Variants in GABRB1 observed in about 807,000 individuals in gnomAD.
GABRB1 encodes gamma-aminobutyric acid type A receptor subunit beta1.
A neutral mutation model predicts 51.6 loss-of-function variants in GABRB1; 17 were observed. That is an observed-to-expected ratio of 0.33 (90% CI 0.23 to 0.49). The LOEUF (loss-of-function observed/expected upper bound fraction) is 0.49. Among genes scored for constraint, GABRB1 ranks in the 20% least tolerant of loss-of-function variants. The probability of loss-of-function intolerance (pLI) is 0.99; values close to 1 mark genes in which losing one functional copy is unlikely to be tolerated. For missense variants in GABRB1, 410 were observed against 600.6 expected (o/e 0.68, Z 3.32); for synonymous variants, 247 against 218.9 (o/e 1.13, Z -1.14).
At chr4:47,044,282 T>C (rs992685664) in intron 3 of GABRB1, among the ~76,000 whole-genome samples, 1 of 152,052 alleles carries the variant, frequency 6.6e-6, no homozygotes, top group Non-Finnish European at 1.5e-5. Flanking sequence ...AAAATCAGTG[T>C]CCAGTGGGCA....
chr4:47,333,317 T>A (rs568090379), intron 5 of GABRB1, among the ~76,000 whole-genome samples: 1 of 150,698 alleles, frequency 6.6e-6, no homozygotes, highest in South Asian at 2.1e-4. Context: ...TATCTATACT[T>A]GGGAGAGACA....
intron 8 of GABRB1, among the ~76,000 whole-genome samples, chr4:47,422,095 C>T (rs1729109295): frequency 6.6e-6 from 1 of 152,010 alleles, no homozygotes; most frequent in Non-Finnish European, 1.5e-5. Context: ...TTCTCAATGA[C>T]CTTCACCATC....
intron 4 of GABRB1, among the ~76,000 whole-genome samples, chr4:47,185,507 C>T (rs1719137137): frequency 6.6e-6 from 1 of 151,736 alleles, no homozygotes; most frequent in African/African-American, 2.4e-5. Flanking sequence ...AGGTCAACAT[C>T]CAAACTTCCT....
At chr4:47,187,127 C>T (rs1018204375) in intron 4 of GABRB1, among the ~76,000 whole-genome samples, 9 of 151,814 alleles carry the variant, frequency 5.9e-5, no homozygotes, top group Admixed American at 4.6e-4. Flanking sequence ...CTTCTTTTAT[C>T]AACGAAGCAT....
intron 3 of GABRB1, among the ~76,000 whole-genome samples, chr4:47,124,397 A>C (rs1716017549): frequency 1.3e-5 from 2 of 152,182 alleles, no homozygotes; most frequent in Non-Finnish European, 2.9e-5. Flanking sequence ...CTGTAAAGAC[A>C]GGAAGAGGTG....
At chr4:47,318,061 C>T (rs144276751) in intron 4 of GABRB1, among the ~76,000 whole-genome samples, 2 of 152,024 alleles carry the variant, frequency 1.3e-5, no homozygotes, top group African/African-American at 4.8e-5. Flanking sequence ...TATTTTGTGA[C>T]TAAAAATTTT....
chr4:47,401,823 GCTATCTATCTATCTATCATCTA>G (rs1728400943), intron 5 of GABRB1, among the ~76,000 whole-genome samples: 638 of 36,986 alleles, frequency 0.017, 2 homozygotes, highest in Middle Eastern at 0.039. Context: ...TATCTATCTA[GCTATCTATCTATCTATCATCTA>G]TCTATCTATC....
intron 5 of GABRB1, among the ~76,000 whole-genome samples, chr4:47,385,841 T>G (rs957674963): frequency 2.0e-5 from 3 of 152,190 alleles, no homozygotes; most frequent in African/African-American, 7.2e-5. Flanking sequence ...TTTGACAATT[T>G]GCCGGAATGT....
At chr4:47,162,243 G>T (rs1717988752) in intron 4 of GABRB1, among the ~76,000 whole-genome samples, 1 of 151,928 alleles carries the variant, frequency 6.6e-6, no homozygotes, top group Non-Finnish European at 1.5e-5. Context: ...ATTAGTTATG[G>T]TTCATATACT....
intron 1 of GABRB1, among the ~76,000 whole-genome samples, chr4:46,999,386 A>T (rs1724114301): frequency 6.6e-6 from 1 of 152,212 alleles, no homozygotes; most frequent in African/African-American, 2.4e-5. Flanking sequence ...TCTAATTTAA[A>T]TTTTATAGCT....
At chr4:47,385,783 T>C (rs1727771921) in intron 5 of GABRB1, among the ~76,000 whole-genome samples, 1 of 152,202 alleles carries the variant, frequency 6.6e-6, no homozygotes, top group South Asian at 2.1e-4. Context: ...CCCACAACTC[T>C]GTCCTACTTA....
chr4:47,138,252 C>A (rs555558433), intron 3 of GABRB1, among the ~76,000 whole-genome samples: 67 of 152,130 alleles, frequency 4.4e-4, no homozygotes, highest in African/African-American at 1.5e-3. Flanking sequence ...TGTTTATTAA[C>A]CTGAAATCAA....
intron 3 of GABRB1, among the ~76,000 whole-genome samples, chr4:47,098,427 G>A (rs1372511177): frequency 6.6e-6 from 1 of 151,930 alleles, no homozygotes; most frequent in East Asian, 1.9e-4. Flanking sequence ...AAACCTTTGG[G>A]GTACCTGCCA....
intron 3 of GABRB1, among the ~76,000 whole-genome samples, chr4:47,061,088 T>C (rs1350254664): frequency 2.0e-5 from 3 of 152,242 alleles, no homozygotes; most frequent in Non-Finnish European, 4.4e-5. Context: ...AGGAAAATAA[T>C]AATGCTTCAC....
At chr4:47,368,421 G>C (rs1020407206) in intron 5 of GABRB1, among the ~76,000 whole-genome samples, 5 of 152,136 alleles carry the variant, frequency 3.3e-5, no homozygotes, top group Non-Finnish European at 7.3e-5. Context: ...ACTTGTGGTT[G>C]TCATAACAGG....
chr4:47,243,258 T>TA (rs1184634627), intron 4 of GABRB1, among the ~76,000 whole-genome samples: 1 of 152,170 alleles, frequency 6.6e-6, no homozygotes, highest in African/African-American at 2.4e-5. Context: ...TCTGTTTTGG[T>TA]AAAAAGTACC....
intron 1 of GABRB1, among the ~76,000 whole-genome samples, chr4:47,009,665 C>T (rs954190718): frequency 1.3e-5 from 2 of 152,130 alleles, no homozygotes; most frequent in Admixed American, 6.5e-5. Flanking sequence ...GGATTATCTC[C>T]AAAGGTACTC....
intron 1 of GABRB1, among the ~76,000 whole-genome samples, chr4:47,013,213 A>G (rs1042634056): frequency 2.6e-5 from 4 of 151,914 alleles, no homozygotes; most frequent in Non-Finnish European, 5.9e-5. Context: ...ATGGTTTTTC[A>G]AGGTAACTAA....
In GABRB1 at chr4:47,243,492, C is replaced by T. The variant is rs562966385; in HGVS notation, c.462-76635C>T. ...TTACCTTGGGCAGTATGGCCATTTT[C>T]ACAATATTGATTCTTCCTACCCATG... is the stretch of plus-strand genomic sequence containing the variant. On this transcript the variant is annotated intron_variant, in intron 4 of 8. Coordinates refer to ENST00000295454, the MANE Select transcript of GABRB1 (RefSeq NM_000812.4). Among the ~76,000 whole-genome samples the T allele has an allele frequency of 6.6e-5, 10 of 152,296 alleles. No individual in the cohort carries two copies. In the East Asian group the frequency reaches 1.9e-3, roughly 29 times the overall value.
Sources: gnomAD v4.1 joint callset for allele counts (sites outside exome capture counted in the v4.1 genomes callset) on GRCh38, gnomAD v4.1.1 for gene constraint, MANE v1.5 for transcripts, NCBI Gene and HGNC (gene_info 2026-07-23, HGNC 2026-07-21) for gene names.